The following CRACR2A variants were observed in gnomAD, a reference collection of about 807,000 sequenced individuals.
CRACR2A encodes the protein calcium release activated channel regulator 2A.
A neutral mutation model predicts 90.5 loss-of-function variants in CRACR2A; 79 were observed. The ratio of observed to expected loss-of-function variants is 0.87; its 90% CI spans 0.73 to 1.05. CRACR2A has a LOEUF of 1.05. CRACR2A is among the 50% of genes least tolerant of loss of function. CRACR2A has a pLI of 0.00. For missense variants in CRACR2A, 823 were observed against 897.2 expected, an observed-to-expected ratio of 0.92 and a Z score of 1.06; for synonymous variants, 338 against 356.7, an observed-to-expected ratio of 0.95 and a Z score of 0.59.
intron 17 of CRACR2A, 35 bp downstream of exon 17, chr12:3,627,401 A>C (rs80119105): frequency 0.022 from 32,071 of 1,477,432 alleles, 386 homozygotes; most frequent in African/African-American, 0.033. Context: ...AGCCACAGTC[A>C]AGCCTAAATG....
At chr12:3,742,208 C>T in intron 1 of CRACR2A, among the ~76,000 whole-genome samples, 1 of 152,204 alleles carries the variant, frequency 6.6e-6, no homozygotes, top group Admixed American at 6.5e-5. Context: ...AATAGTGGGC[C>T]TGTTGGTAAA....
At chr12:3,655,602 T>C (rs756760065) in intron 9 of CRACR2A, among the ~76,000 whole-genome samples, 5 of 152,194 alleles carry the variant, frequency 3.3e-5, no homozygotes, top group Non-Finnish European at 7.4e-5. Flanking sequence ...CAGGAGCCCT[T>C]GCTAAGCAGT....
chr12:3,674,114 C>T (rs1945301094), intron 6 of CRACR2A, among the ~76,000 whole-genome samples: 1 of 152,160 alleles, frequency 6.6e-6, no homozygotes, highest in African/African-American at 2.4e-5. Flanking sequence ...AGCTCGTTGC[C>T]CCCAGGAAGG....
rs1475233036 is a variant in CRACR2A at position 3,615,433 on chromosome 12, G to A, written c.2118C>T (p.Leu706=). 7.1e-6 allele frequency: 11 copies of A among 1,550,246 alleles called. No individual in the cohort carries two copies. Among genetic ancestry groups the A allele is most frequent in the Non-Finnish European group, 9.6e-6 (11 of 1,146,152 alleles). The change falls in exon 20 of 20, where the codon CTC becomes CTT. Residue 706 remains leucine, a synonymous_variant. Coordinates refer to ENST00000440314, the MANE Select transcript of CRACR2A (RefSeq NM_001144958.2). ...KESLLHLARF[L]KEQEDTVRED... ...CTCTCACTGTGTCTTCTTGCTCCTT[G>A]AGGAACCTGGGAGAGGGGAAGAGAT... is the stretch of plus-strand genomic sequence containing the variant.
intron 7 of CRACR2A, among the ~76,000 whole-genome samples, chr12:3,664,339 T>C (rs1003874638): frequency 6.6e-6 from 1 of 152,266 alleles, no homozygotes; most frequent in Non-Finnish European, 1.5e-5. Flanking sequence ...CTCTAAAGTG[T>C]ATTCATTGAT....
chr12:3,650,828 T>G (rs1262257881), intron 10 of CRACR2A, among the ~76,000 whole-genome samples: 1 of 152,214 alleles, frequency 6.6e-6, no homozygotes, highest in Non-Finnish European at 1.5e-5. Context: ...GAGCTACATA[T>G]CCATACATAT....
chr12:3,648,506 G>A (rs1944733008), intron 11 of CRACR2A, 36 bp downstream of exon 11: 1 of 1,614,004 alleles, frequency 6.2e-7, no homozygotes, highest in Non-Finnish European at 8.5e-7. Context: ...GCTTCTGGGA[G>A]GTGCTCTCAG....
At chr12:3,627,834 C>G (rs1417915579) in intron 15 of CRACR2A, 128 bp from the exon 16 acceptor site, 3 of 919,338 alleles carry the variant, frequency 3.3e-6, no homozygotes, top group Non-Finnish European at 5.1e-6. Flanking sequence ...ATGTGCAGCT[C>G]GTGGGAGGCA....
intron 15 of CRACR2A, among the ~76,000 whole-genome samples, chr12:3,631,780 C>T (rs985099286): frequency 1.3e-5 from 2 of 152,106 alleles, no homozygotes; most frequent in African/African-American, 4.8e-5. Context: ...AGGCAGGGAC[C>T]CCTCTCTGGG....
intron 7 of CRACR2A, among the ~76,000 whole-genome samples, chr12:3,666,707 C>T (rs1945158052): frequency 6.6e-6 from 1 of 152,252 alleles, no homozygotes; most frequent in Admixed American, 6.5e-5. Flanking sequence ...GCTAACGGCA[C>T]ATAGGCCAAG....
At chr12:3,656,983 T>C (rs1213088075) in intron 8 of CRACR2A, among the ~76,000 whole-genome samples, 2 of 152,214 alleles carry the variant, frequency 1.3e-5, no homozygotes, top group East Asian at 3.9e-4. Flanking sequence ...GATGTTTTAA[T>C]ATCTGCTCCT....
chr12:3,660,876 ACACACACACAC>A lies in CRACR2A; in HGVS notation c.672-1233_672-1223del, dbSNP rs1400958441. On this transcript the variant is annotated intron_variant, in intron 7 of 19. Transcript: ENST00000440314. Reference sequence around the variant, plus strand: ...CACACACACACACACACACACACACACACACACACACAATTTTGGCCCCTGCCATTCTAACT... The same window carrying A: ...CACACACACACACACACACACACACAAATTTTGGCCCCTGCCATTCTAACT... Among the ~76,000 whole-genome samples the A allele has an allele frequency of 8.3e-4, 94 of 112,936 alleles. No homozygotes were observed. The East Asian group carries it at 9.9e-3, about 12-fold the overall frequency. The allele number at this position is 112,936 out of a possible 152,430, so 74.1% of individuals were successfully genotyped here. A position where few individuals can be genotyped will look rare whatever the true frequency, so the allele number is the denominator to read the frequency against.
intron 13 of CRACR2A, 28 bp downstream of exon 13, chr12:3,641,704 A>C (rs1944575073): frequency 6.5e-7 from 1 of 1,542,136 alleles, no homozygotes; most frequent in East Asian, 2.4e-5. Flanking sequence ...GAGAGGAATG[A>C]AGGGATGAGC....
In CRACR2A at chr12:3,673,454, G is replaced by A; in HGVS notation, c.663C>T (p.Ala221=). The change falls in exon 7 of 20, where the codon GCC becomes GCT. Residue 221 remains alanine, a synonymous_variant. Coordinates refer to ENST00000440314, the MANE Select transcript of CRACR2A (RefSeq NM_001144958.2). ...AHEEKNELEC[A]LKRKIAAYDE... is the part of the protein sequence containing the mutation. ...GACACTGGGGTACCCACCTTTTTAG[G>A]GCACACTCCAGTTCATTCTTCTCCT... The A allele has an allele frequency of 6.2e-7, 1 of 1,610,976 alleles. No homozygotes were observed. The highest frequency in any genetic ancestry group is 1.3e-5 in the African/African-American group (1 of 74,822).
intron 7 of CRACR2A, 68 bp downstream of exon 7, chr12:3,673,378 G>T: frequency 6.5e-7 from 1 of 1,543,300 alleles, no homozygotes; most frequent in South Asian, 1.3e-5. Flanking sequence ...AGATCTAAGA[G>T]AAAGTGCACC....
chr12:3,666,358 T>TGTGTGTGTGTGTGTGTGTGC (rs758896769), intron 7 of CRACR2A, among the ~76,000 whole-genome samples: 14 of 148,534 alleles, frequency 9.4e-5, no homozygotes, highest in African/African-American at 3.6e-4. Flanking sequence ...TGTGTGTGCG[T>TGTGTGTGTGTGTGTGTGTGC]GCGTGTGCGC....
Position 3,633,664 on chromosome 12 carries a change from T to C in CRACR2A, c.1675A>G (p.Thr559Ala). Residue 559 changes from threonine to alanine, a missense_variant, in exon 15 of 20, where the codon ACA becomes GCA. Coordinates refer to ENST00000440314, the MANE Select transcript of CRACR2A (RefSeq NM_001144958.2). This position sits in a 1 kb window ranked among gnomAD's most constrained non-coding sequence, Gnocchi z 4.5. ...TCACAGAATCTCCTCAGGAAGGATG[T>C]CTTCCCCACCGCGGAATTGCCCACG... Reference protein sequence around the residue: ...VFVGNSAVGKTSFLRRFCEDR... With the variant: ...VFVGNSAVGKASFLRRFCEDR... 6.4e-7 allele frequency: 1 copy of C among 1,551,702 alleles called. No individual in the cohort carries two copies. Among genetic ancestry groups the C allele is most frequent in the Non-Finnish European group, 8.7e-7 (1 of 1,146,998 alleles).
At chr12:3,621,672 A>AAAAAAAAAAAAAAC (rs1565460356) in intron 17 of CRACR2A, among the ~76,000 whole-genome samples, 1 of 145,712 alleles carries the variant, frequency 6.9e-6, no homozygotes, top group African/African-American at 2.5e-5. Context: ...AAAAAAAAAA[A>AAAAAAAAAAAAAAC]AAAAAAAAAC....
chr12:3,667,628 G>A (rs1051274475), intron 7 of CRACR2A, among the ~76,000 whole-genome samples: 1 of 152,198 alleles, frequency 6.6e-6, no homozygotes, highest in Non-Finnish European at 1.5e-5. Context: ...AGCCAGTTTT[G>A]TGCTTGGAAT....
Sources: allele counts gnomAD v4.1 joint callset (sites outside exome capture counted in the v4.1 genomes callset), GRCh38; gene constraint gnomAD v4.1.1; non-coding constraint Gnocchi (gnomAD v3.1); transcripts MANE v1.5; gene names NCBI Gene and HGNC (gene_info 2026-07-23, HGNC 2026-07-21).